Variants in SCN1A observed in about 807,000 individuals in gnomAD.
SCN1A encodes the protein sodium channel protein type 1 subunit alpha.
In SCN1A, 13 loss-of-function variants were observed where a neutral mutation model predicts 193.7. That is an observed-to-expected ratio of 0.07 (90% CI 0.04 to 0.11). The LOEUF (loss-of-function observed/expected upper bound fraction) is 0.11. SCN1A is among the 10% of genes least tolerant of loss of function. The pLI, the probability that SCN1A is intolerant of heterozygous loss-of-function variation, is 1.00. For missense variants in SCN1A, 1,432 were observed against 2,451.1 expected (o/e 0.58, Z 8.78); for synonymous variants, 781 against 843.6 (o/e 0.93, Z 1.29).
chr2:166,109,627 T>A (rs1689083230), intron 2 of SCN1A: 1 of 152,214 alleles, frequency 6.6e-6, no homozygotes. Context: ...ATTTCAAACT[T>A]TTTCACTATT....
At chr2:166,063,088 T>A (rs1160244531) in intron 4 of SCN1A, among the ~76,000 whole-genome samples, 1 of 152,114 alleles carries the variant, frequency 6.6e-6, no homozygotes, top group Non-Finnish European at 1.5e-5. Flanking sequence ...TTCAGGCACA[T>A]CTATGACTAT....
At chr2:166,031,503 G>T (rs906834444) in intron 19 of SCN1A, among the ~76,000 whole-genome samples, 4 of 151,988 alleles carry the variant, frequency 2.6e-5, no homozygotes, top group African/African-American at 7.3e-5. Context: ...ATTTTAAGGA[G>T]CTTACCATAT....
Position 165,986,526 on chromosome 2 carries a change from C to G in SCN1A, c.*4719G>C, listed in dbSNP as rs1476097594. 6.6e-6 allele frequency: 1 copy of G among 151,932 alleles called. No individual in the cohort carries two copies. The highest frequency in any genetic ancestry group is 2.4e-5 in the African/African-American group (1 of 41,362). 9.4% of individuals were successfully genotyped at this position (151,932 alleles called of 1,614,324 possible). A position where few individuals can be genotyped will look rare whatever the true frequency, so the allele number is the denominator to read the frequency against. ...ACAAGGAATGTAATCATTTCTGTGACTTTTCAGGAAGATTACTGCTAGGAA... is the reference window on the plus strand; with the variant it reads ...ACAAGGAATGTAATCATTTCTGTGAGTTTTCAGGAAGATTACTGCTAGGAA... On this transcript the variant is annotated 3_prime_UTR_variant, in exon 29 of 29. Transcript: ENST00000674923.
At chr2:166,080,438 T>C (rs1390266452) in intron 2 of SCN1A, among the ~76,000 whole-genome samples, 1 of 151,730 alleles carries the variant, frequency 6.6e-6, no homozygotes, top group Non-Finnish European at 1.5e-5. Flanking sequence ...AGAAGAGAAC[T>C]AAGAAACCAT....
chr2:166,086,387 G>A (rs1371944106), intron 2 of SCN1A, among the ~76,000 whole-genome samples: 1 of 152,010 alleles, frequency 6.6e-6, no homozygotes, highest in Non-Finnish European at 1.5e-5. Context: ...AATGTCAGAG[G>A]GCCGAAAACT....
chr2:166,124,610 C>A (rs1327025123), intron 2 of SCN1A, among the ~76,000 whole-genome samples: 2 of 152,148 alleles, frequency 1.3e-5, no homozygotes, highest in Non-Finnish European at 2.9e-5. Context: ...CTAAACCAAA[C>A]TGTTTTTGGA....
At chr2:166,004,934 A>G (rs1170699504) in intron 23 of SCN1A, among the ~76,000 whole-genome samples, 1 of 151,470 alleles carries the variant, frequency 6.6e-6, no homozygotes, top group African/African-American at 2.4e-5. Flanking sequence ...GAATTCTAGT[A>G]CTGAACAGAA....
intron 16 of SCN1A, among the ~76,000 whole-genome samples, chr2:166,040,372 C>A (rs1438918235): frequency 6.6e-6 from 1 of 152,108 alleles, no homozygotes; most frequent in Non-Finnish European, 1.5e-5. Flanking sequence ...GTTATACATT[C>A]TTATCTATTA....
At chr2:166,015,320 T>C (rs1021656593) in intron 20 of SCN1A, among the ~76,000 whole-genome samples, 2 of 151,914 alleles carry the variant, frequency 1.3e-5, no homozygotes, top group Non-Finnish European at 2.9e-5. Context: ...GTGTCTAAGA[T>C]GCCAACTTAT....
intron 2 of SCN1A, among the ~76,000 whole-genome samples, chr2:166,080,689 A>G (rs1685425482): frequency 6.6e-6 from 1 of 151,872 alleles, no homozygotes. Context: ...GGGGAAAAAA[A>G]AGATTGTAAG....
At chr2:166,099,362 C>G (rs1162872093) in intron 2 of SCN1A, among the ~76,000 whole-genome samples, 2 of 150,894 alleles carry the variant, frequency 1.3e-5, no homozygotes, top group Non-Finnish European at 2.9e-5. Context: ...GGACGTATCT[C>G]AAAATAATAA....
At chr2:165,993,102 G>A (rs962454780) in intron 28 of SCN1A, 1 of 151,418 alleles carries the variant, frequency 6.6e-6, no homozygotes, top group African/African-American at 2.4e-5. Flanking sequence ...AACAATACTT[G>A]TAAAGTTAAA....
chr2:166,072,981 A>G (rs1256607653), intron 4 of SCN1A, among the ~76,000 whole-genome samples: 1 of 151,806 alleles, frequency 6.6e-6, no homozygotes. Context: ...CTGGGACTAC[A>G]TGCGTGTGCC....
chr2:166,127,178 G>A (rs1691344192), intron 1 of SCN1A, 168 bp from the exon 2 acceptor site: 1 of 152,132 alleles, frequency 6.6e-6, no homozygotes, highest in Admixed American at 6.5e-5. Context: ...TGGCTCAATA[G>A]GAGTTGGCAG....
chr2:166,087,088 C>T (rs1686213466), intron 2 of SCN1A, among the ~76,000 whole-genome samples: 2 of 151,524 alleles, frequency 1.3e-5, no homozygotes, highest in Admixed American at 6.6e-5. Context: ...ATGGGTGGAT[C>T]CCTCATGAAT....
upstream of SCN1A, among the ~76,000 whole-genome samples, chr2:166,129,274 C>T (rs148128352): frequency 5.8e-4 from 89 of 152,166 alleles, 1 homozygote; most frequent in African/African-American, 1.7e-3. Flanking sequence ...AAGAATAATC[C>T]ACTGTTCTTT....
At chr2:166,125,097 C>T (rs1691084442) in intron 2 of SCN1A, among the ~76,000 whole-genome samples, 1 of 152,292 alleles carries the variant, frequency 6.6e-6, no homozygotes, top group African/African-American at 2.4e-5. Flanking sequence ...TAAATTTCTT[C>T]CCACCCTACC....
chr2:166,046,773 A>C lies in SCN1A; in HGVS notation c.1374T>G (p.Ala458=). Residue 458 remains alanine (A), a synonymous_variant, in exon 12 of 29, where the codon GCT becomes GCG. Coordinates refer to ENST00000674923, the MANE Select transcript of SCN1A (RefSeq NM_001165963.4). ...IEQLKKQQEA[A]QQAATATASE... ...CCATGAGACAGGGCAGCTTTACCTG[A>C]GCTGCCTCCTGTTGCTTTTTAAGCT... is the stretch of plus-strand genomic sequence containing the variant. 6.2e-7 allele frequency: 1 copy of C among 1,613,594 alleles called. No homozygotes were observed. The highest frequency in any genetic ancestry group is 8.5e-7 in the Non-Finnish European group (1 of 1,179,604).
chr2:165,999,200 T>G (rs1191302492), intron 25 of SCN1A: 1 of 153,134 alleles, frequency 6.5e-6, no homozygotes. Flanking sequence ...GCAACATTAG[T>G]AAAGGCTCCA....
Sources: allele counts gnomAD v4.1 joint callset (sites outside exome capture counted in the v4.1 genomes callset), GRCh38; gene constraint gnomAD v4.1.1; transcripts MANE v1.5; gene names NCBI Gene and HGNC (gene_info 2026-07-23, HGNC 2026-07-21).